The following UNC5D variants were observed in gnomAD, a reference collection of about 807,000 sequenced individuals.
The protein encoded by UNC5D is unc-5 netrin receptor D, also known as netrin receptor UNC5D.
UNC5D carries 39 observed loss-of-function variants against 105.4 expected under a neutral mutation model. The observed-to-expected ratio is 0.37, with a 90% CI of 0.29 to 0.48. UNC5D has a LOEUF of 0.48. UNC5D is among the 20% of genes least tolerant of loss of function. The probability of loss-of-function intolerance (pLI) is 0.98; values close to 1 mark genes in which losing one functional copy is unlikely to be tolerated. For missense variants in UNC5D, 991 were observed against 1,202.4 expected (o/e 0.82, Z 2.60); for synonymous variants, 452 against 450.4 (o/e 1.00, Z -0.04).
At chr8:35,691,520 C>G (rs1034114898) in intron 7 of UNC5D, among the ~76,000 whole-genome samples, 5 of 152,140 alleles carry the variant, frequency 3.3e-5, no homozygotes, top group African/African-American at 1.2e-4. Flanking sequence ...TGCCCCAAGA[C>G]TGGTAAGAAG....
In UNC5D at chr8:35,676,546, C is replaced by T. The variant is rs911378232; in HGVS notation, c.571-7001C>T. Among the ~76,000 whole-genome samples, 7 of 152,174 alleles carry T rather than the reference C, an allele frequency of 4.6e-5. No individual in the cohort carries two copies. The South Asian group carries it at 1.0e-3, about 23-fold the overall frequency. On this transcript the variant is annotated intron_variant, in intron 4 of 16. Transcript: ENST00000404895. Reference sequence around the variant, plus strand: ...GATCCCATAATGCTAATTTGAAAATCTGTATTGCTTTTGTTAAGAGCTTAA... The same window carrying T: ...GATCCCATAATGCTAATTTGAAAATTTGTATTGCTTTTGTTAAGAGCTTAA...
At chr8:35,521,886 G>C (rs1332508773) in intron 1 of UNC5D, among the ~76,000 whole-genome samples, 1 of 152,168 alleles carries the variant, frequency 6.6e-6, no homozygotes, top group African/African-American at 2.4e-5. Flanking sequence ...GTTCTCATCA[G>C]CATTAGCACC....
intron 4 of UNC5D, among the ~76,000 whole-genome samples, chr8:35,611,918 G>A (rs1445259779): frequency 6.6e-6 from 1 of 152,150 alleles, no homozygotes; most frequent in Non-Finnish European, 1.5e-5. Context: ...GATTAAAATT[G>A]TTGAGTTCTC....
At chr8:35,766,512 C>G (rs186231907) in intron 14 of UNC5D, among the ~76,000 whole-genome samples, 3 of 152,292 alleles carry the variant, frequency 2.0e-5, no homozygotes, top group Admixed American at 6.5e-5. Context: ...AAGATAACAT[C>G]CTACCCCAGA....
intron 1 of UNC5D, among the ~76,000 whole-genome samples, chr8:35,510,155 T>A (rs1812598296): frequency 6.6e-6 from 1 of 151,982 alleles, no homozygotes; most frequent in Admixed American, 6.5e-5. Flanking sequence ...TCACTCAACC[T>A]TCATTCCCTC....
chr8:35,310,556 G>T (rs1363842635), intron 1 of UNC5D, among the ~76,000 whole-genome samples: 10 of 152,042 alleles, frequency 6.6e-5, no homozygotes. Context: ...GGAGGCTGAG[G>T]TTGCAGTGAG....
chr8:35,729,223 G>A (rs990073963), intron 10 of UNC5D, among the ~76,000 whole-genome samples: 6 of 152,170 alleles, frequency 3.9e-5, no homozygotes, highest in South Asian at 4.1e-4. Flanking sequence ...TGTGATCTGC[G>A]CAGACAGCTC....
At chr8:35,749,095 G>C (rs751750565) in intron 12 of UNC5D, among the ~76,000 whole-genome samples, 2 of 152,026 alleles carry the variant, frequency 1.3e-5, no homozygotes, top group Non-Finnish European at 2.9e-5. Context: ...AACTATGTCT[G>C]TTTTTTTCCA....
chr8:35,513,387 C>T (rs1460683764), intron 1 of UNC5D, among the ~76,000 whole-genome samples: 1 of 152,088 alleles, frequency 6.6e-6, no homozygotes, highest in Non-Finnish European at 1.5e-5. Flanking sequence ...TGCCACCATG[C>T]CTGGCTGATT....
chr8:35,291,666 G>A (rs967771826), intron 1 of UNC5D, among the ~76,000 whole-genome samples: 2 of 152,070 alleles, frequency 1.3e-5, no homozygotes, highest in African/African-American at 4.8e-5. Flanking sequence ...TTTGGGTGGT[G>A]GATTGTGTGC....
intron 8 of UNC5D, among the ~76,000 whole-genome samples, chr8:35,717,821 A>T (rs569257063): frequency 6.6e-6 from 1 of 152,302 alleles, no homozygotes; most frequent in East Asian, 1.9e-4. Flanking sequence ...AGCACCTACA[A>T]AGACGGTAGT....
At chr8:35,650,619 C>A (rs1043917276) in intron 4 of UNC5D, among the ~76,000 whole-genome samples, 2 of 152,082 alleles carry the variant, frequency 1.3e-5, no homozygotes, top group Admixed American at 1.3e-4. Flanking sequence ...AGGCATGTGC[C>A]ACCATGCCCA....
rs371076817 is a variant in UNC5D, at chr8:35,594,514, A to C, written c.467-1040A>C. On this transcript the variant is annotated intron_variant, in intron 3 of 16. Transcript: ENST00000404895. ...ATGCATTGTCAGGGAGGGAGGGCAA[A>C]ATCTTTTACATTGAGGAAGACTTGT... 1.7e-4 allele frequency among the ~76,000 whole-genome samples: 26 copies of C among 152,274 alleles called. No homozygotes were observed. The East Asian group carries it at 2.1e-3, about 12-fold the overall frequency.
At chr8:35,590,553 G>T (rs1208785735) in intron 3 of UNC5D, among the ~76,000 whole-genome samples, 1 of 151,876 alleles carries the variant, frequency 6.6e-6, no homozygotes, top group Non-Finnish European at 1.5e-5. Flanking sequence ...TCTGAAAAAT[G>T]CACTGGTTTA....
intron 1 of UNC5D, among the ~76,000 whole-genome samples, chr8:35,426,884 G>T (rs1273275785): frequency 6.6e-6 from 1 of 152,084 alleles, no homozygotes; most frequent in Non-Finnish European, 1.5e-5. Flanking sequence ...CCAGTGGAAG[G>T]CATTCATTTA....
chr8:35,713,343 G>A (rs1477854131), intron 8 of UNC5D, among the ~76,000 whole-genome samples: 1 of 152,138 alleles, frequency 6.6e-6, no homozygotes, highest in African/African-American at 2.4e-5. Flanking sequence ...TCAGTTTTCA[G>A]AATAAGACAT....
chr8:35,388,758 A>G (rs1339761813), intron 1 of UNC5D, among the ~76,000 whole-genome samples: 1 of 152,212 alleles, frequency 6.6e-6, no homozygotes, highest in Non-Finnish European at 1.5e-5. Context: ...AGATTCTTAC[A>G]TGTCATTTTC....
chr8:35,582,338 A>C (rs183389402), intron 3 of UNC5D, among the ~76,000 whole-genome samples: 155 of 152,304 alleles, frequency 1.0e-3, no homozygotes, highest in African/African-American at 3.7e-3. Context: ...CTTTCTTGTC[A>C]GTTCTTCATA....
chr8:35,643,549 A>G (rs943653492), intron 4 of UNC5D, among the ~76,000 whole-genome samples: 1 of 151,852 alleles, frequency 6.6e-6, no homozygotes, highest in Non-Finnish European at 1.5e-5. Context: ...CAGGGTTTAT[A>G]TTGTATTTTT....
Sources: allele counts gnomAD v4.1 joint callset (sites outside exome capture counted in the v4.1 genomes callset), GRCh38; gene constraint gnomAD v4.1.1; transcripts MANE v1.5; gene names NCBI Gene and HGNC (gene_info 2026-07-23, HGNC 2026-07-21).